Variants in CIMAP1D observed in about 807,000 individuals in gnomAD.
CIMAP1D encodes the protein CIMAP1 family member D.
At chr19:464,343 G>A in the CIMAP1D span, 3 of 1,542,824 alleles carry the variant, frequency 1.9e-6, no homozygotes, top group Non-Finnish European at 2.6e-6. Context: ...GTAGGCCCCA[G>A]GGCCTGGCGT....
the CIMAP1D span, among the ~76,000 whole-genome samples, chr19:473,191 C>A: frequency 3.7e-5 from 2 of 54,596 alleles, no homozygotes; most frequent in African/African-American, 1.2e-4. Context: ...CAGAGATACA[C>A]GGTCACAGAT....
the CIMAP1D span, chr19:472,743 G>A: frequency 2.0e-6 from 1 of 512,654 alleles, no homozygotes; most frequent in Non-Finnish European, 3.5e-6. Flanking sequence ...GGCACAGACA[G>A]GGAGACTGGG....
chr19:472,646 C>A, the CIMAP1D span: 1 of 530,158 alleles, frequency 1.9e-6, no homozygotes. Context: ...GGCTGCTGCC[C>A]GTCGGGGACA....
chr19:465,067 ATGGG>A, the CIMAP1D span, among the ~76,000 whole-genome samples: 40 of 137,148 alleles, frequency 2.9e-4, no homozygotes, highest in Non-Finnish European at 3.6e-4. Flanking sequence ...GGATGGATGG[ATGGG>A]TGGGTGGAAG....
the CIMAP1D span, chr19:475,036 G>A: frequency 2.7e-5 from 9 of 329,568 alleles, no homozygotes; most frequent in East Asian, 2.3e-4. Flanking sequence ...AGCAGAGTGC[G>A]TCTCCCGGGA....
the CIMAP1D span, chr19:467,649 C>T: frequency 1.9e-6 from 3 of 1,607,938 alleles, no homozygotes; most frequent in Non-Finnish European, 2.6e-6. Context: ...CAGTACTCAC[C>T]CCGAGACTTG....
chr19:491,095 C>CA, the CIMAP1D span, among the ~76,000 whole-genome samples: 2,924 of 114,940 alleles, frequency 0.025, 74 homozygotes, highest in South Asian at 0.12. Context: ...GGCTTTGTCT[C>CA]AAAAAAAAAA....
the CIMAP1D span, among the ~76,000 whole-genome samples, chr19:468,099 T>C: frequency 6.6e-6 from 1 of 152,078 alleles, no homozygotes. Context: ...GGTGTGGTGG[T>C]GCACACCTGT....
chr19:479,158 T>C, the CIMAP1D span, among the ~76,000 whole-genome samples: 1 of 152,150 alleles, frequency 6.6e-6, no homozygotes, highest in African/African-American at 2.4e-5. Flanking sequence ...ACTGACAAAC[T>C]GCGTCTGCCG....
At chr19:484,723 C>T in the CIMAP1D span, among the ~76,000 whole-genome samples, 1 of 152,096 alleles carries the variant, frequency 6.6e-6, no homozygotes. Flanking sequence ...AGGAGGAGGC[C>T]AGGGTGGCTG....
At chr19:483,679 G>C in the CIMAP1D span, among the ~76,000 whole-genome samples, 4 of 152,166 alleles carry the variant, frequency 2.6e-5, no homozygotes, top group Non-Finnish European at 4.4e-5. Flanking sequence ...CACCCCACCT[G>C]GGATGTCCAC....
At chr19:485,953 C>G in the CIMAP1D span, among the ~76,000 whole-genome samples, 78 of 152,144 alleles carry the variant, frequency 5.1e-4, 1 homozygote, top group African/African-American at 1.8e-3. Flanking sequence ...CTCAGACTCA[C>G]GCGCCCTGCT....
the CIMAP1D span, among the ~76,000 whole-genome samples, chr19:478,259 G>A: frequency 1.5e-5 from 2 of 130,538 alleles, no homozygotes; most frequent in African/African-American, 8.0e-5. Context: ...ACAAGGGCCT[G>A]GAAGGTGTTC....
the CIMAP1D span, among the ~76,000 whole-genome samples, chr19:468,331 A>C: frequency 5.9e-5 from 9 of 152,012 alleles, no homozygotes; most frequent in South Asian, 1.9e-3. Context: ...GCGCCACTGC[A>C]CTCCAGCCTG....
chr19:469,517 C>A, the CIMAP1D span, among the ~76,000 whole-genome samples: 2 of 152,084 alleles, frequency 1.3e-5, no homozygotes, highest in Non-Finnish European at 2.9e-5. Context: ...TGGTGAAACC[C>A]TGTCTCTACT....
the CIMAP1D span, among the ~76,000 whole-genome samples, chr19:469,025 G>GAAACGTCATCCAAACCTTTGCCCTC: frequency 6.6e-6 from 1 of 151,948 alleles, no homozygotes; most frequent in African/African-American, 2.4e-5. Flanking sequence ...AGACCTCCCC[G>GAAACGTCATCCAAACCTTTGCCCTC]CCACAGGCAC....
At chr19:472,837 G>A in the CIMAP1D span, among the ~76,000 whole-genome samples, 20 of 139,304 alleles carry the variant, frequency 1.4e-4, no homozygotes, top group Admixed American at 8.2e-4. Flanking sequence ...CAGATGGGGA[G>A]ACTGAGGCCC....
At chr19:471,618 T>TGGGAGGA in the CIMAP1D span, among the ~76,000 whole-genome samples, 1 of 152,076 alleles carries the variant, frequency 6.6e-6, no homozygotes, top group Non-Finnish European at 1.5e-5. Flanking sequence ...TTTCGGCTAC[T>TGGGAGGA]TTTAAAAGCA....
chr19:482,572 A>G, the CIMAP1D span, among the ~76,000 whole-genome samples: 83 of 151,398 alleles, frequency 5.5e-4, no homozygotes, highest in African/African-American at 1.7e-3. Flanking sequence ...GCACTTATTA[A>G]TCGCCTACTG....
Sources: allele counts gnomAD v4.1 joint callset (sites outside exome capture counted in the v4.1 genomes callset), GRCh38; gene constraint gnomAD v4.1.1; transcripts MANE v1.5; gene names NCBI Gene and HGNC (gene_info 2026-07-23, HGNC 2026-07-21).